The following RSRP1 variants were observed in gnomAD, a reference collection of about 807,000 sequenced individuals.
The protein encoded by RSRP1 is arginine/serine-rich protein 1.
A neutral mutation model predicts 33.0 loss-of-function variants in RSRP1; 37 were observed. That is an observed-to-expected ratio of 1.12 (90% CI 0.86 to 1.48). RSRP1 has a LOEUF of 1.48. Ranked by LOEUF, RSRP1 falls within the 40% of genes most tolerant of loss-of-function variation. The pLI, the probability that RSRP1 is intolerant of heterozygous loss-of-function variation, is 0.00. For synonymous variants in RSRP1, 167 were observed against 158.7 expected (o/e 1.05, Z -0.40); for missense variants, 402 against 385.3 (o/e 1.04, Z -0.36).
intron 1 of RSRP1, among the ~76,000 whole-genome samples, chr1:25,254,998 C>T (rs568439114): frequency 3.3e-5 from 5 of 152,276 alleles, no homozygotes; most frequent in Admixed American, 6.5e-5. Context: ...AACTCTTCCA[C>T]GCACACTTTT....
intron 1 of RSRP1, chr1:25,336,119 TA>T (rs1645070816): frequency 2.2e-5 from 1 of 45,512 alleles, no homozygotes. Flanking sequence ...CACATACATT[TA>T]AAAAACCCAA....
At chr1:25,297,297 C>T (rs1285037339) in intron 1 of RSRP1, among the ~76,000 whole-genome samples, 4 of 95,270 alleles carry the variant, frequency 4.2e-5, no homozygotes, top group African/African-American at 1.4e-4. Flanking sequence ...GTGTGCCCTT[C>T]TTAGTATATC....
intron 1 of RSRP1, among the ~76,000 whole-genome samples, chr1:25,302,189 A>C (rs1290142694): frequency 1.5e-5 from 2 of 131,420 alleles, no homozygotes; most frequent in African/African-American, 2.6e-5. Flanking sequence ...GTGCATGTAA[A>C]GTGCTTAACG....
At position 25,334,757 on chromosome 1, in the gene RSRP1, TG is replaced by T. The variant is rs1298242285; in HGVS notation, c.-67+3220del. Among the ~76,000 whole-genome samples the T allele has an allele frequency of 3.0e-5, 4 of 133,150 alleles. No individual in the cohort carries two copies. The East Asian group carries it at 5.8e-4, about 19-fold the overall frequency. The allele number at this position is 133,150 out of a possible 152,430, so 87.4% of individuals were successfully genotyped here. On this transcript the variant is annotated intron_variant, in intron 1 of 1. Coordinates refer to the RSRP1 transcript ENST00000561867. The stretch of plus-strand genomic sequence containing the variant: ...ACACCACATGGAAGCTGTCAAGGCT[TG>T]GGGCTTGCACTCCCCGAAGCTACAG...
At chr1:25,300,840 A>C in intron 1 of RSRP1, 1 of 1,220,090 alleles carries the variant, frequency 8.2e-7, no homozygotes, top group Non-Finnish European at 1.2e-6. Flanking sequence ...TCATGGCTTC[A>C]AGTCACACCT....
In RSRP1 at chr1:25,300,899, G is replaced by A. The variant is rs755141316; in HGVS notation, c.-67+37079C>T. The A allele has an allele frequency of 3.4e-5, 46 of 1,366,550 alleles. 12 individuals are homozygous for A. Among genetic ancestry groups the A allele is most frequent in the South Asian group, 1.2e-4 (10 of 84,630 alleles). 84.7% of individuals were successfully genotyped at this position (1,366,550 alleles called of 1,614,324 possible). A position where few individuals can be genotyped will look rare whatever the true frequency, so the allele number is the denominator to read the frequency against. On this transcript the variant is annotated intron_variant, in intron 1 of 1. Transcript: ENST00000561867. ...TCCAAGGACTATCAGGGCTTGCCCC[G>A]GGCAGAGGATGCCGACACTCACTGC...
rs565530259 is a variant in RSRP1, at chr1:25,309,773, C to T, written c.-67+28205G>A. Among the ~76,000 whole-genome samples the T allele has an allele frequency of 1.9e-3, 245 of 131,626 alleles. 26 individuals carry two copies. The highest frequency in any genetic ancestry group is 6.1e-3 in the African/African-American group (233 of 38,384). The allele number at this position is 131,626 out of a possible 152,430, so 86.4% of individuals were successfully genotyped here. ...GAACTTGCCCTCTGTGAAATAGGGA[C>T]ACTAATAGCTCACTCACAGGGCTGC... On this transcript the variant is annotated intron_variant, in intron 1 of 1. Coordinates refer to the RSRP1 transcript ENST00000561867.
rs1644978790 is a variant in RSRP1 at position 25,330,425 on chromosome 1, A to C, written c.-67+7553T>G. The C allele has an allele frequency of 1.5e-5, 2 of 133,310 alleles. 1 individual carries two copies. Among genetic ancestry groups the C allele is most frequent in the Non-Finnish European group, 3.6e-5 (2 of 56,254 alleles). 8.3% of individuals were successfully genotyped at this position (133,310 alleles called of 1,614,324 possible). A position where few individuals can be genotyped will look rare whatever the true frequency, so the allele number is the denominator to read the frequency against. ...GTTTACATAATACTTGAAAAATAAA[A>C]ATGAACAAGCTAACAAACTACCAAG... On this transcript the variant is annotated intron_variant, in intron 1 of 1. Coordinates refer to the RSRP1 transcript ENST00000561867.
intron 1 of RSRP1, among the ~76,000 whole-genome samples, chr1:25,320,451 C>T (rs1410737789): frequency 3.0e-5 from 4 of 131,776 alleles, no homozygotes; most frequent in African/African-American, 1.0e-4. Context: ...TTCATGCAGG[C>T]GCCAGAGATC....
rs539800295 is a variant in RSRP1 at position 25,293,786 on chromosome 1, T to A, written c.-67+44192A>T. ...TTCATGAATTAAGAGTATTTCCCTT[T>A]GTCCATTATTCCCAAGGCAAATATG... On this transcript the variant is annotated intron_variant, in intron 1 of 1. Transcript: ENST00000561867. 1.4e-3 allele frequency among the ~76,000 whole-genome samples: 185 copies of A among 132,528 alleles called. 30 individuals are homozygous for A. Among genetic ancestry groups the A allele is most frequent in the African/African-American group, 4.4e-3 (170 of 38,788 alleles). 86.9% of individuals were successfully genotyped at this position (132,528 alleles called of 152,430 possible).
chr1:25,333,199 A>G (rs1645039758), intron 1 of RSRP1, among the ~76,000 whole-genome samples: 1 of 132,254 alleles, frequency 7.6e-6, no homozygotes, highest in Admixed American at 7.4e-5. Context: ...CTCTTAGCCC[A>G]TTCAGTCATA....
chr1:25,293,096 A>G lies in RSRP1; in HGVS notation c.-67+44882T>C, dbSNP rs559966542. On this transcript the variant is annotated intron_variant, in intron 1 of 1. Coordinates refer to the RSRP1 transcript ENST00000561867. The stretch of plus-strand genomic sequence containing the variant: ...CATGGTTGTAGAGGAGGATGAAGGC[A>G]ACAGCCTGGCTTGACTGATTCAAGA... Among the ~76,000 whole-genome samples, 53 of 131,814 alleles carry G rather than the reference A, an allele frequency of 4.0e-4. 8 individuals carry two copies. The South Asian group carries it at 0.012, about 30-fold the overall frequency. The allele number at this position is 131,814 out of a possible 152,430, so 86.5% of individuals were successfully genotyped here.
rs534695161 is a variant in RSRP1 at position 25,297,388 on chromosome 1, G to C, written c.-67+40590C>G. ...ATTGGGTTAAGATGGTACCTGCCAGGATCTTCCACTGCAAAGTTACTATTT... is the reference window on the plus strand; with the variant it reads ...ATTGGGTTAAGATGGTACCTGCCAGCATCTTCCACTGCAAAGTTACTATTT... On this transcript the variant is annotated intron_variant, in intron 1 of 1. Transcript: ENST00000561867. 4.6e-4 allele frequency among the ~76,000 whole-genome samples: 46 copies of C among 100,804 alleles called. 6 individuals are homozygous for C. The Middle Eastern group carries it at 0.014, about 30-fold the overall frequency. The allele number at this position is 100,804 out of a possible 152,430, so 66.1% of individuals were successfully genotyped here.
rs1641164714 is a variant in RSRP1, at chr1:25,278,011, A to G, written c.-66-30982T>C. On this transcript the variant is annotated intron_variant, in intron 1 of 1. Transcript: ENST00000561867. The stretch of plus-strand genomic sequence containing the variant: ...TTTCTTAATTTTTTAAATAAAATAA[A>G]TAAAACTAGAATTGCTTGTTTTCTT... Among the ~76,000 whole-genome samples the G allele has an allele frequency of 2.3e-5, 3 of 131,410 alleles. 1 individual carries two copies. The highest frequency in any genetic ancestry group is 1.5e-4 in the Admixed American group (2 of 13,482). 86.2% of individuals were successfully genotyped at this position (131,410 alleles called of 152,430 possible). A position where few individuals can be genotyped will look rare whatever the true frequency, so the allele number is the denominator to read the frequency against.
chr1:25,246,345 G>A (rs1332235363), intron 2 of RSRP1, 99 bp downstream of exon 2: 6 of 1,516,574 alleles, frequency 4.0e-6, no homozygotes, highest in Non-Finnish European at 3.6e-6. Flanking sequence ...GGCACTAAAG[G>A]AACTAATATT....
At chr1:25,313,347 A>C (rs1481183957) in intron 1 of RSRP1, among the ~76,000 whole-genome samples, 1 of 132,446 alleles carries the variant, frequency 7.6e-6, no homozygotes, top group Admixed American at 7.4e-5. Context: ...CAAATTACCC[A>C]TTCTGTGGTA....
chr1:25,288,935 A>C lies in RSRP1; in HGVS notation c.-66-41906T>G, dbSNP rs1315250990. ...ATTCTAAATTCCTGGTCCCTGTAAG[A>C]CTCCTTCCCCATGCCCTTGCCCTTT... On this transcript the variant is annotated intron_variant, in intron 1 of 1. Coordinates refer to the RSRP1 transcript ENST00000561867. Among the ~76,000 whole-genome samples the C allele has an allele frequency of 3.8e-5, 5 of 132,598 alleles. 1 individual carries two copies. Among genetic ancestry groups the C allele is most frequent in the Non-Finnish European group, 8.9e-5 (5 of 56,220 alleles). 87.0% of individuals were successfully genotyped at this position (132,598 alleles called of 152,430 possible).
intron 1 of RSRP1, among the ~76,000 whole-genome samples, chr1:25,267,419 T>C (rs1289713657): frequency 1.6e-5 from 2 of 123,452 alleles, no homozygotes; most frequent in South Asian, 2.5e-4. Context: ...TGAGAAACCC[T>C]GCCTTAAACA....
rs1334016941 is a variant in RSRP1 at position 25,301,401 on chromosome 1, T to C, written c.-67+36577A>G. On this transcript the variant is annotated intron_variant, in intron 1 of 1. Coordinates refer to the RSRP1 transcript ENST00000561867. ...GGAGGGGAGACGTGACTTCCCCATCTAACTCTAAGTGACAAGGCTGAGACT... is the reference window on the plus strand; with the variant it reads ...GGAGGGGAGACGTGACTTCCCCATCCAACTCTAAGTGACAAGGCTGAGACT... 3.1e-6 allele frequency: 3 copies of C among 982,418 alleles called. No homozygotes were observed. The Admixed American group carries it at 5.8e-5, about 19-fold the overall frequency. The allele number at this position is 982,418 out of a possible 1,614,324, so 60.9% of individuals were successfully genotyped here.
Sources: allele counts gnomAD v4.1 joint callset (sites outside exome capture counted in the v4.1 genomes callset), GRCh38; gene constraint gnomAD v4.1.1; transcripts MANE v1.5; gene names NCBI Gene and HGNC (gene_info 2026-07-23, HGNC 2026-07-21).